The following FMN1 variants were observed in gnomAD, a reference collection of about 807,000 sequenced individuals.
FMN1 encodes formin 1, also known as formin-1.
A neutral mutation model predicts 132.4 loss-of-function variants in FMN1; 110 were observed. The ratio of observed to expected loss-of-function variants is 0.83; its 90% CI spans 0.71 to 0.97. FMN1 has a LOEUF of 0.97. Among genes scored for constraint, FMN1 ranks in the 50% least tolerant of loss-of-function variants. The pLI, the probability that FMN1 is intolerant of heterozygous loss-of-function variation, is 0.00. For missense variants in FMN1, 1,792 were observed against 1,705.3 expected (o/e 1.05, Z -0.90); for synonymous variants, 722 against 651.7 (o/e 1.11, Z -1.64).
At chr15:32,867,326 G>GCCTGCCTTC (rs1442149403) in intron 16 of FMN1, among the ~76,000 whole-genome samples, 2 of 152,168 alleles carry the variant, frequency 1.3e-5, no homozygotes, top group African/African-American at 4.8e-5. Flanking sequence ...GCTACGTCTT[G>GCCTGCCTTC]CCTGCCTTCC....
chr15:33,098,638 A>C (rs1230390257), intron 4 of FMN1, among the ~76,000 whole-genome samples: 4 of 152,328 alleles, frequency 2.6e-5, no homozygotes, highest in African/African-American at 9.6e-5. Flanking sequence ...GCAGGTAGAC[A>C]ACCAATGATT....
intron 9 of FMN1, among the ~76,000 whole-genome samples, chr15:32,947,250 T>C (rs2061530023): frequency 1.3e-5 from 2 of 152,118 alleles, no homozygotes; most frequent in South Asian, 4.1e-4. Flanking sequence ...TATTCAATTT[T>C]TAAAATACTT....
In FMN1 at chr15:32,994,232, T is replaced by TCTCTCTCTCTCTCTCACA. The variant is rs904998781; in HGVS notation, c.2223+13781_2223+13782insTGTGAGAGAGAGAGAGAG. ...TCATTCCTCTCTCTCTCTCTCTCTCTCACACACACACACACACAGACACAC... is the reference window on the plus strand; with the variant it reads ...TCATTCCTCTCTCTCTCTCTCTCTCTCTCTCTCTCTCTCTCACACACACACACACACACACAGACACAC... On this transcript the variant is annotated intron_variant, in intron 7 of 20. Transcript: ENST00000616417. Among the ~76,000 whole-genome samples, 56 of 37,262 alleles carry TCTCTCTCTCTCTCTCACA rather than the reference T, an allele frequency of 1.5e-3. No homozygotes were observed. The South Asian group carries it at 0.061, about 41-fold the overall frequency. The allele number at this position is 37,262 out of a possible 152,430, so 24.4% of individuals were successfully genotyped here. A position where few individuals can be genotyped will look rare whatever the true frequency, so the allele number is the denominator to read the frequency against.
chr15:33,047,938 G>C (rs771884103), intron 6 of FMN1, among the ~76,000 whole-genome samples: 2 of 152,048 alleles, frequency 1.3e-5, no homozygotes, highest in South Asian at 2.1e-4. Context: ...TCTTCTGTCT[G>C]AGTAGTTATA....
chr15:32,999,630 T>C (rs903282961), intron 7 of FMN1, among the ~76,000 whole-genome samples: 4 of 152,178 alleles, frequency 2.6e-5, no homozygotes, highest in African/African-American at 9.7e-5. Context: ...TCCCCTCAAT[T>C]AGGAAATATG....
intron 6 of FMN1, among the ~76,000 whole-genome samples, chr15:33,035,402 C>T (rs906051846): frequency 3.3e-5 from 5 of 152,126 alleles, no homozygotes; most frequent in Non-Finnish European, 5.9e-5. Flanking sequence ...ATTCTGTCTA[C>T]GGATGCCTTA....
In FMN1 at chr15:32,892,866, C is replaced by T. The variant is rs183767499; in HGVS notation, c.3715-4574G>A. Among the ~76,000 whole-genome samples the T allele has an allele frequency of 2.4e-3, 365 of 152,188 alleles. 2 individuals are homozygous for T. Among genetic ancestry groups the T allele is most frequent in the African/African-American group, 8.4e-3 (347 of 41,516 alleles). On this transcript the variant is annotated intron_variant, in intron 15 of 20. Transcript: ENST00000616417. ...TGTATCACCATTAATTTTTAAATTG[C>T]CATGTTATCTTGTACATCTTCCCCA... is the stretch of plus-strand genomic sequence containing the variant.
At chr15:32,895,122 C>G (rs2060122912) in intron 15 of FMN1, among the ~76,000 whole-genome samples, 1 of 151,896 alleles carries the variant, frequency 6.6e-6, no homozygotes, top group African/African-American at 2.4e-5. Flanking sequence ...TAGTTGTTTT[C>G]TTAGGGTAGA....
chr15:32,903,914 C>A (rs768938642), intron 12 of FMN1, among the ~76,000 whole-genome samples: 1 of 152,090 alleles, frequency 6.6e-6, no homozygotes, highest in Non-Finnish European at 1.5e-5. Flanking sequence ...GAAGGGTCTG[C>A]AACCCATACG....
intron 4 of FMN1, among the ~76,000 whole-genome samples, chr15:33,116,170 A>G (rs895845905): frequency 2.6e-5 from 4 of 152,186 alleles, no homozygotes; most frequent in African/African-American, 9.6e-5. Flanking sequence ...TTAAATCCCC[A>G]TTTATACAGA....
chr15:32,802,831 G>T (rs1002629209), intron 18 of FMN1, among the ~76,000 whole-genome samples: 1 of 152,166 alleles, frequency 6.6e-6, no homozygotes, highest in Non-Finnish European at 1.5e-5. Context: ...TATGCATTGT[G>T]AAGGGAAGCT....
intron 6 of FMN1, among the ~76,000 whole-genome samples, chr15:33,019,055 T>C (rs1253717238): frequency 6.6e-6 from 1 of 152,216 alleles, no homozygotes; most frequent in Non-Finnish European, 1.5e-5. Flanking sequence ...GGGTTACCAC[T>C]GCTGGCTCCG....
intron 5 of FMN1, among the ~76,000 whole-genome samples, chr15:33,074,845 G>A (rs934759016): frequency 3.3e-5 from 5 of 151,704 alleles, no homozygotes; most frequent in East Asian, 1.9e-4. Context: ...GTGGAACTCC[G>A]TCTCTACTAA....
intron 2 of FMN1, among the ~76,000 whole-genome samples, chr15:33,182,306 T>C (rs553705124): frequency 5.3e-5 from 8 of 152,344 alleles, no homozygotes; most frequent in Admixed American, 3.9e-4. Context: ...ACTCTTCTCA[T>C]GCATAAAGCA....
At chr15:33,090,062 C>T (rs1427796181) in intron 4 of FMN1, among the ~76,000 whole-genome samples, 2 of 152,188 alleles carry the variant, frequency 1.3e-5, no homozygotes, top group Non-Finnish European at 2.9e-5. Context: ...GTACTGGACA[C>T]TTCTAATGTT....
In FMN1 at chr15:33,054,359, G is replaced by A. The variant is rs74486028; in HGVS notation, c.2161+10598C>T. ...ATTTCTACAATCCTGTAAATTAAAAGGTTAGATTTTTTTCATCTAAATATT... is the reference window on the plus strand; with the variant it reads ...ATTTCTACAATCCTGTAAATTAAAAAGTTAGATTTTTTTCATCTAAATATT... On this transcript the variant is annotated intron_variant, in intron 6 of 20. Coordinates refer to ENST00000616417, the MANE Select transcript of FMN1 (RefSeq NM_001277313.2). 6.5e-3 allele frequency among the ~76,000 whole-genome samples: 991 copies of A among 152,136 alleles called. 10 individuals are homozygous for A. The highest frequency in any genetic ancestry group is 0.022 in the African/African-American group (918 of 41,520).
intron 19 of FMN1, among the ~76,000 whole-genome samples, chr15:32,788,842 CTG>C (rs1413077986): frequency 1.3e-5 from 2 of 152,174 alleles, no homozygotes; most frequent in Non-Finnish European, 1.5e-5. Context: ...TCTAAACAAA[CTG>C]AAAGTAATAC....
At chr15:32,816,898 A>G (rs2058075999) in intron 17 of FMN1, among the ~76,000 whole-genome samples, 2 of 152,362 alleles carry the variant, frequency 1.3e-5, no homozygotes, top group South Asian at 4.1e-4. Context: ...CAAATTGTTC[A>G]GAAGGACATC....
chr15:32,806,641 C>T (rs1303741980), intron 17 of FMN1, among the ~76,000 whole-genome samples: 1 of 152,216 alleles, frequency 6.6e-6, no homozygotes, highest in Non-Finnish European at 1.5e-5. Flanking sequence ...GGCATTACCT[C>T]CTCTTTCCCA....
Sources: allele counts gnomAD v4.1 joint callset (sites outside exome capture counted in the v4.1 genomes callset), GRCh38; gene constraint gnomAD v4.1.1; transcripts MANE v1.5; gene names NCBI Gene and HGNC (gene_info 2026-07-23, HGNC 2026-07-21).